SVOPL: variants seen among roughly 807,000 people sequenced by gnomAD.
The protein encoded by SVOPL is putative transporter SVOPL.
A neutral mutation model predicts 61.0 loss-of-function variants in SVOPL; 60 were observed. That is an observed-to-expected ratio of 0.98 (90% CI 0.80 to 1.22). The LOEUF (loss-of-function observed/expected upper bound fraction) is 1.22. Ranked by LOEUF, SVOPL falls within the 50% of genes most tolerant of loss-of-function variation. The probability of loss-of-function intolerance (pLI) is 0.00; values close to 1 mark genes in which losing one functional copy is unlikely to be tolerated. For missense variants in SVOPL, 662 were observed against 643.9 expected (o/e 1.03, Z -0.30); for synonymous variants, 279 against 250.0 (o/e 1.12, Z -1.09).
intron 12 of SVOPL, among the ~76,000 whole-genome samples, chr7:138,626,456 A>C (rs1358563068): frequency 6.6e-6 from 1 of 152,106 alleles, no homozygotes; most frequent in Non-Finnish European, 1.5e-5. Context: ...GCAGTGGCAC[A>C]ATCATGGCTC....
intron 6 of SVOPL, among the ~76,000 whole-genome samples, chr7:138,659,627 A>G (rs1185809484): frequency 6.6e-6 from 1 of 152,094 alleles, no homozygotes; most frequent in Non-Finnish European, 1.5e-5. Context: ...TGTCTCCCTA[A>G]AATATATAAA....
intron 7 of SVOPL, among the ~76,000 whole-genome samples, chr7:138,655,397 TG>T (rs1216792265): frequency 2.6e-5 from 4 of 151,880 alleles, no homozygotes; most frequent in Non-Finnish European, 4.4e-5. Flanking sequence ...TCCAGCTACT[TG>T]GGAGGTTGAG....
chr7:138,615,105 C>G (rs1799231261), intron 14 of SVOPL, among the ~76,000 whole-genome samples: 1 of 152,086 alleles, frequency 6.6e-6, no homozygotes, highest in African/African-American at 2.4e-5. Context: ...CGTCACTGAA[C>G]CAAGGAATGC....
rs71179717 is a variant in SVOPL at position 138,654,500 on chromosome 7, G to GTTTT, written c.534+1944_534+1947dup. Among the ~76,000 whole-genome samples the GTTTT allele has an allele frequency of 9.4e-3, 1,180 of 125,498 alleles. 56 individuals are homozygous for GTTTT. The highest frequency in any genetic ancestry group is 0.016 in the East Asian group (70 of 4,248). 82.3% of individuals were successfully genotyped at this position (125,498 alleles called of 152,430 possible). ...GTTTACAGCATGGTTTACTGAGTTTGTTTTTTTTTTTTTTTTTGAGACGGA... is the reference window on the plus strand; with the variant it reads ...GTTTACAGCATGGTTTACTGAGTTTGTTTTTTTTTTTTTTTTTTTTTGAGACGGA... On this transcript the variant is annotated intron_variant, in intron 7 of 15. Transcript: ENST00000674285.
intron 12 of SVOPL, among the ~76,000 whole-genome samples, chr7:138,626,713 G>T (rs150877195): frequency 6.6e-6 from 1 of 152,008 alleles, no homozygotes; most frequent in East Asian, 1.9e-4. Flanking sequence ...CAGCATGGTG[G>T]TGTGTGCCTG....
chr7:138,672,182 G>A, intron 3 of SVOPL, 65 bp from the exon 4 acceptor site: 1 of 1,444,730 alleles, frequency 6.9e-7, no homozygotes, highest in South Asian at 1.2e-5. Context: ...TCTCATATCT[G>A]CCTGCCCATC....
intron 9 of SVOPL, among the ~76,000 whole-genome samples, chr7:138,641,926 TACACACACAC>T (rs34233604): frequency 6.8e-6 from 1 of 146,008 alleles, no homozygotes; most frequent in Non-Finnish European, 1.5e-5. Flanking sequence ...TGTATGTGTA[TACACACACAC>T]ACACACACAC....
chr7:138,691,666 G>A (rs957638070), intron 1 of SVOPL, among the ~76,000 whole-genome samples: 6 of 151,880 alleles, frequency 4.0e-5, no homozygotes, highest in Non-Finnish European at 8.8e-5. Context: ...TCAGCCTCCC[G>A]AGAAGCCGGG....
intron 14 of SVOPL, among the ~76,000 whole-genome samples, chr7:138,604,943 T>G (rs1354575560): frequency 6.6e-6 from 1 of 151,486 alleles, no homozygotes; most frequent in Non-Finnish European, 1.5e-5. Context: ...AGGTTGGGTG[T>G]AGTGGTGCAT....
intron 7 of SVOPL, among the ~76,000 whole-genome samples, chr7:138,650,845 T>G (rs1176949240): frequency 9.6e-6 from 1 of 103,630 alleles, no homozygotes; most frequent in Non-Finnish European, 2.0e-5. Flanking sequence ...CCTATGTTTA[T>G]TAACAAAAAA....
rs567611898 is a variant in SVOPL at position 138,611,501 on chromosome 7, G to A, written c.1353+9545C>T. Reference sequence around the variant, plus strand: ...TTGACAACGTACAGTTTCTCAATAAGTTCATGGCTTATTGGAAATCACTTC... The same window carrying A: ...TTGACAACGTACAGTTTCTCAATAAATTCATGGCTTATTGGAAATCACTTC... On this transcript the variant is annotated intron_variant, in intron 14 of 15. Transcript: ENST00000674285. Among the ~76,000 whole-genome samples, 13 of 152,284 alleles carry A rather than the reference G, an allele frequency of 8.5e-5. No individual in the cohort carries two copies. In the South Asian group the frequency reaches 2.7e-3, roughly 32 times the overall value.
intron 1 of SVOPL, among the ~76,000 whole-genome samples, chr7:138,683,244 A>G (rs1479634477): frequency 6.6e-6 from 1 of 152,166 alleles, no homozygotes; most frequent in Non-Finnish European, 1.5e-5. Flanking sequence ...TAGGAATTAC[A>G]TGGGTGTATA....
chr7:138,688,861 C>G (rs1802877334), intron 1 of SVOPL: 2 of 377,560 alleles, frequency 5.3e-6, no homozygotes, highest in Non-Finnish European at 1.0e-5. Context: ...ATATGGAAGA[C>G]CTAACCTCTA....
At chr7:138,669,001 C>T (rs147144138) in intron 4 of SVOPL, among the ~76,000 whole-genome samples, 7 of 152,256 alleles carry the variant, frequency 4.6e-5, no homozygotes, top group African/African-American at 1.2e-4. Flanking sequence ...GCCCAGAAAG[C>T]GATACAACAA....
chr7:138,658,292 C>G (rs370538692), intron 6 of SVOPL, among the ~76,000 whole-genome samples: 17 of 152,108 alleles, frequency 1.1e-4, no homozygotes, highest in South Asian at 2.1e-4. Flanking sequence ...TATTCCCCCC[C>G]CTCCCTTTTA....
intron 7 of SVOPL, among the ~76,000 whole-genome samples, chr7:138,654,924 C>T (rs926672347): frequency 6.7e-6 from 1 of 149,154 alleles, no homozygotes; most frequent in Non-Finnish European, 1.5e-5. Context: ...GGTACAGTGG[C>T]TCATGCCTGT....
chr7:138,601,428 G>A (rs556222178), intron 14 of SVOPL, among the ~76,000 whole-genome samples: 3 of 151,958 alleles, frequency 2.0e-5, no homozygotes, highest in Non-Finnish European at 2.9e-5. Context: ...AGTCCGCCTT[G>A]AAAAAGGAGG....
chr7:138,689,563 A>AT, intron 1 of SVOPL: 5 of 478,726 alleles, frequency 1.0e-5, no homozygotes, highest in Non-Finnish European at 1.8e-5. Context: ...AAGTAAAAAA[A>AT]GAAAAAAAAA....
intron 7 of SVOPL, among the ~76,000 whole-genome samples, chr7:138,655,902 G>A (rs1801706473): frequency 6.6e-6 from 1 of 152,126 alleles, no homozygotes; most frequent in Admixed American, 6.6e-5. Flanking sequence ...TAAGGCAGTG[G>A]CACAGTTTGG....
Sources: gnomAD v4.1 joint callset for allele counts (sites outside exome capture counted in the v4.1 genomes callset) on GRCh38, gnomAD v4.1.1 for gene constraint, MANE v1.5 for transcripts, NCBI Gene and HGNC (gene_info 2026-07-23, HGNC 2026-07-21) for gene names.